The following SYN3 variants were observed in gnomAD, a reference collection of about 807,000 sequenced individuals.
SYN3 encodes synapsin-3.
A neutral mutation model predicts 65.8 loss-of-function variants in SYN3; 35 were observed. That is an observed-to-expected ratio of 0.53 (90% CI 0.41 to 0.70). The LOEUF is 0.70. SYN3 is among the 30% of genes least tolerant of loss of function. The probability of loss-of-function intolerance (pLI) is 0.00; values close to 1 mark genes in which losing one functional copy is unlikely to be tolerated. For missense variants in SYN3, 680 were observed against 749.0 expected, an observed-to-expected ratio of 0.91 and a Z score of 1.08; for synonymous variants, 270 against 292.9, an observed-to-expected ratio of 0.92 and a Z score of 0.80.
intron 6 of SYN3, among the ~76,000 whole-genome samples, chr22:32,821,001 G>A (rs958729016): frequency 2.0e-5 from 3 of 152,076 alleles, no homozygotes; most frequent in Non-Finnish European, 4.4e-5. Context: ...AAACCCAGGT[G>A]GCTTCATGCT....
intron 3 of SYN3, among the ~76,000 whole-genome samples, chr22:32,955,063 C>T (rs2051409749): frequency 6.6e-6 from 1 of 151,464 alleles, no homozygotes; most frequent in Admixed American, 6.6e-5. Context: ...ACCTCGCCTT[C>T]TTGTTCTAGA....
At chr22:32,731,987 G>A (rs540763020) in intron 6 of SYN3, among the ~76,000 whole-genome samples, 3 of 152,316 alleles carry the variant, frequency 2.0e-5, no homozygotes, top group East Asian at 1.9e-4. Context: ...GTTTTGAGGC[G>A]ACTGAGAAAA....
intron 7 of SYN3, among the ~76,000 whole-genome samples, chr22:32,587,130 G>T (rs1311054476): frequency 1.3e-5 from 2 of 150,820 alleles, no homozygotes; most frequent in African/African-American, 4.9e-5. Flanking sequence ...GCTGAGGCAG[G>T]AGAATCGCTT....
At chr22:32,732,816 T>C (rs1602010105) in intron 6 of SYN3, among the ~76,000 whole-genome samples, 2 of 152,228 alleles carry the variant, frequency 1.3e-5, no homozygotes, top group East Asian at 1.9e-4. Context: ...TTACTGACCA[T>C]CCACTAAGTT....
intron 6 of SYN3, among the ~76,000 whole-genome samples, chr22:32,708,990 G>A (rs2147235890): frequency 6.6e-6 from 1 of 152,324 alleles, no homozygotes. Flanking sequence ...AGCCCTGCGG[G>A]GCAGTGATGG....
At chr22:32,702,098 G>A (rs555008006) in intron 6 of SYN3, among the ~76,000 whole-genome samples, 49 of 152,264 alleles carry the variant, frequency 3.2e-4, no homozygotes, top group African/African-American at 1.1e-3. Context: ...AATTATTTAC[G>A]TATTATCTTC....
intron 7 of SYN3, chr22:32,584,080 G>A (rs131046): frequency 0.53 from 80,988 of 152,016 alleles, 23,605 homozygotes; most frequent in African/African-American, 0.79. Flanking sequence ...AATAATCCTG[G>A]ACCTTGGCCC....
rs568295025 is a variant in SYN3 at position 32,585,996 on chromosome 22, A to T, written c.774+10678T>A. Among the ~76,000 whole-genome samples the T allele has an allele frequency of 8.6e-5, 7 of 81,616 alleles. No homozygotes were observed. In the South Asian group the frequency reaches 1.9e-3, roughly 22 times the overall value. 53.5% of individuals were successfully genotyped at this position (81,616 alleles called of 152,430 possible). On this transcript the variant is annotated intron_variant, in intron 7 of 13. Coordinates refer to ENST00000358763, the MANE Select transcript of SYN3 (RefSeq NM_003490.4). The stretch of plus-strand genomic sequence containing the variant: ...TATGTATATATGTATGTATACGTAT[A>T]TATGTATGTATGTATACGTATATAT...
intron 1 of SYN3, among the ~76,000 whole-genome samples, chr22:33,042,036 C>A (rs1457885597): frequency 6.6e-6 from 1 of 152,138 alleles, no homozygotes; most frequent in African/African-American, 2.4e-5. Flanking sequence ...AGAGATGAGG[C>A]CTTTGGAAGC....
At chr22:32,994,256 A>T (rs527724726) in intron 2 of SYN3, among the ~76,000 whole-genome samples, 1 of 152,168 alleles carries the variant, frequency 6.6e-6, no homozygotes, top group Non-Finnish European at 1.5e-5. Context: ...TAGGCTGCTG[A>T]GGAATGCCCA....
intron 10 of SYN3, among the ~76,000 whole-genome samples, chr22:32,531,596 G>A (rs191173369): frequency 4.9e-4 from 75 of 152,224 alleles, no homozygotes; most frequent in African/African-American, 1.8e-3. Flanking sequence ...ATTTCACTGT[G>A]AGCCTCTTCA....
rs1027107283 is a variant in SYN3 at position 32,700,746 on chromosome 22, A to C, written c.712-104010T>G. 2.6e-5 allele frequency among the ~76,000 whole-genome samples: 4 copies of C among 152,132 alleles called. No homozygotes were observed. The East Asian group carries it at 7.7e-4, about 29-fold the overall frequency. ...CTGTAAATGAAAAATAGCTTTAAAC[A>C]CCATGTAATAGGAAGCAGCCTCAGC... is the stretch of plus-strand genomic sequence containing the variant. On this transcript the variant is annotated intron_variant, in intron 6 of 13. Coordinates refer to ENST00000358763, the MANE Select transcript of SYN3 (RefSeq NM_003490.4).
At chr22:32,766,752 C>T (rs920700316) in intron 6 of SYN3, among the ~76,000 whole-genome samples, 1 of 152,180 alleles carries the variant, frequency 6.6e-6, no homozygotes, top group Non-Finnish European at 1.5e-5. Flanking sequence ...CATCCTTCCT[C>T]TAAATAAATA....
intron 6 of SYN3, among the ~76,000 whole-genome samples, chr22:32,717,077 A>G (rs183247146): frequency 2.6e-3 from 397 of 152,214 alleles, no homozygotes; most frequent in Non-Finnish European, 4.4e-3. Flanking sequence ...AGAAACTTAC[A>G]TATATCAACT....
intron 12 of SYN3, chr22:32,519,563 TC>T (rs1281515431): frequency 6.6e-6 from 1 of 152,086 alleles, no homozygotes; most frequent in African/African-American, 2.4e-5. Flanking sequence ...AATCTTGGTT[TC>T]TCCCTCTCAC....
chr22:32,990,764 A>AC (rs1340400522), intron 2 of SYN3, among the ~76,000 whole-genome samples: 3 of 152,196 alleles, frequency 2.0e-5, no homozygotes, highest in Non-Finnish European at 4.4e-5. Context: ...AAAATAGAAT[A>AC]TTCGCTGGCA....
intron 6 of SYN3, among the ~76,000 whole-genome samples, chr22:32,851,941 C>T (rs1433396160): frequency 6.6e-6 from 1 of 152,172 alleles, no homozygotes; most frequent in African/African-American, 2.4e-5. Context: ...TCCATCCATC[C>T]TCTCGTGCTT....
intron 6 of SYN3, among the ~76,000 whole-genome samples, chr22:32,603,764 C>A (rs577784331): frequency 1.3e-5 from 2 of 152,154 alleles, no homozygotes; most frequent in African/African-American, 2.4e-5. Context: ...CCCTTCCCAA[C>A]AATAGCTTTA....
At chr22:32,610,195 C>T (rs545390387) in intron 6 of SYN3, among the ~76,000 whole-genome samples, 7 of 152,054 alleles carry the variant, frequency 4.6e-5, no homozygotes, top group African/African-American at 7.2e-5. Context: ...GCAGGAGAAT[C>T]GCTTGAACCC....
Sources: gnomAD v4.1 joint callset for allele counts (sites outside exome capture counted in the v4.1 genomes callset) on GRCh38, gnomAD v4.1.1 for gene constraint, MANE v1.5 for transcripts, NCBI Gene and HGNC (gene_info 2026-07-23, HGNC 2026-07-21) for gene names.